Variants in MED12L observed in about 807,000 individuals in gnomAD.
The protein encoded by MED12L is mediator complex subunit 12L.
Under a neutral mutation model 281.3 loss-of-function variants are expected in MED12L, and 60 were observed. The ratio of observed to expected loss-of-function variants is 0.21; its 90% CI spans 0.17 to 0.26. The LOEUF is 0.26. Ranked by LOEUF, MED12L falls within the 10% of genes least tolerant of loss-of-function variation. The probability of loss-of-function intolerance (pLI) is 1.00; values close to 1 mark genes in which losing one functional copy is unlikely to be tolerated. For synonymous variants in MED12L, 974 were observed against 987.2 expected (o/e 0.99, Z 0.25); for missense variants, 2,146 against 2,680.9 (o/e 0.80, Z 4.41).
chr3:151,193,367 G>T (rs1724231178), intron 15 of MED12L, 123 bp from the exon 16 acceptor site: 3 of 643,046 alleles, frequency 4.7e-6, no homozygotes, highest in African/African-American at 1.8e-5. Flanking sequence ...ATATTTTTTT[G>T]CTAAGTGGTT....
At chr3:151,145,647 T>A (rs988244501) in intron 5 of MED12L, among the ~76,000 whole-genome samples, 3 of 152,222 alleles carry the variant, frequency 2.0e-5, no homozygotes, top group Non-Finnish European at 4.4e-5. Context: ...AAAGTGTCCA[T>A]GGGATCTCTT....
intron 8 of MED12L, among the ~76,000 whole-genome samples, chr3:151,161,525 CA>C (rs1354426677): frequency 6.6e-6 from 1 of 152,056 alleles, no homozygotes; most frequent in Non-Finnish European, 1.5e-5. Context: ...GGAGAGAGAA[CA>C]GGGGGAGAGT....
intron 16 of MED12L, chr3:151,214,157 T>C (rs1727717324): frequency 1.9e-6 from 3 of 1,614,028 alleles, no homozygotes. Flanking sequence ...ATGAAACTCT[T>C]AGAGCTGGGC....
chr3:151,279,403 G>A, intron 16 of MED12L, among the ~76,000 whole-genome samples: 1 of 152,214 alleles, frequency 6.6e-6, no homozygotes, highest in East Asian at 1.9e-4. Context: ...CATTGGAGAT[G>A]GAGTAGTGAC....
chr3:151,125,918 T>G (rs1372895770), intron 4 of MED12L, among the ~76,000 whole-genome samples: 1 of 152,172 alleles, frequency 6.6e-6, no homozygotes, highest in Non-Finnish European at 1.5e-5. Context: ...TGTTTAGTTG[T>G]GTTGTGTGCA....
At chr3:151,135,152 A>G (rs1172136500) in intron 5 of MED12L, among the ~76,000 whole-genome samples, 1 of 152,054 alleles carries the variant, frequency 6.6e-6, no homozygotes, top group Non-Finnish European at 1.5e-5. Flanking sequence ...CAGCCTCCCA[A>G]GTAGCTGGGA....
intron 16 of MED12L, among the ~76,000 whole-genome samples, chr3:151,269,031 C>T (rs1365618434): frequency 2.0e-5 from 3 of 152,050 alleles, no homozygotes; most frequent in African/African-American, 7.3e-5. Context: ...GCTCTGAGAC[C>T]GGAGGAGACA....
intron 5 of MED12L, among the ~76,000 whole-genome samples, chr3:151,153,371 G>T (rs561442246): frequency 6.6e-6 from 1 of 152,050 alleles, no homozygotes; most frequent in South Asian, 2.1e-4. Flanking sequence ...TAATAATCTG[G>T]CTTCATGGAC....
At chr3:151,300,065 A>G in intron 16 of MED12L, 1 of 1,591,596 alleles carries the variant, frequency 6.3e-7, no homozygotes, top group Non-Finnish European at 8.6e-7. Context: ...ACGACGGCTT[A>G]CTTGGTAATT....
chr3:151,318,494 A>C lies in MED12L; in HGVS notation c.2251-31565A>C, dbSNP rs3806635. 1.2e-4 allele frequency among the ~76,000 whole-genome samples: 18 copies of C among 152,234 alleles called. No individual in the cohort carries two copies. In the East Asian group the frequency reaches 2.7e-3, roughly 23 times the overall value. ...CATGATGATTCATAAATAATAAATG[A>C]GGTACTGCTCATAATTTGACATTTT... On this transcript the variant is annotated intron_variant, in intron 16 of 44. Coordinates refer to ENST00000687756, the MANE Select transcript of MED12L (RefSeq NM_001393769.1).
intron 5 of MED12L, among the ~76,000 whole-genome samples, chr3:151,139,833 A>G (rs534808713): frequency 3.0e-4 from 46 of 152,334 alleles, no homozygotes; most frequent in Non-Finnish European, 6.0e-4. Flanking sequence ...TTTATGGACA[A>G]TAGGCTGTTG....
intron 16 of MED12L, among the ~76,000 whole-genome samples, chr3:151,342,195 C>T (rs2149965641): frequency 6.6e-6 from 1 of 152,290 alleles, no homozygotes; most frequent in East Asian, 1.9e-4. Context: ...GTCCCACCAA[C>T]AGTGTAAAAG....
At chr3:151,182,358 A>T (rs1043082463) in intron 11 of MED12L, among the ~76,000 whole-genome samples, 6 of 152,074 alleles carry the variant, frequency 3.9e-5, no homozygotes, top group African/African-American at 1.2e-4. Context: ...TTTATTCATG[A>T]TGTTCCCACC....
intron 39 of MED12L, among the ~76,000 whole-genome samples, chr3:151,401,087 G>A (rs896608049): frequency 6.6e-6 from 1 of 152,068 alleles, no homozygotes; most frequent in Admixed American, 6.6e-5. Flanking sequence ...TTACTTTGTA[G>A]ATTTGAAATG....
intron 16 of MED12L, among the ~76,000 whole-genome samples, chr3:151,285,696 TA>T (rs1743401935): frequency 6.6e-6 from 1 of 150,728 alleles, no homozygotes; most frequent in Admixed American, 6.6e-5. Context: ...AAAAAAAAAA[TA>T]AAAGAAAAAA....
intron 3 of MED12L, among the ~76,000 whole-genome samples, chr3:151,119,090 C>A (rs1417746792): frequency 6.6e-6 from 1 of 152,194 alleles, no homozygotes; most frequent in Non-Finnish European, 1.5e-5. Flanking sequence ...AATAATAATT[C>A]ATGGCTAGAT....
chr3:151,386,200 A>T (rs915094715), intron 36 of MED12L, among the ~76,000 whole-genome samples: 12 of 152,334 alleles, frequency 7.9e-5, no homozygotes, highest in African/African-American at 2.9e-4. Flanking sequence ...GTTTGTGTAA[A>T]GAAAAAAAGC....
In MED12L at chr3:151,336,254, G is replaced by A. The variant is rs140434039; in HGVS notation, c.2251-13805G>A. Among the ~76,000 whole-genome samples, 4 of 152,280 alleles carry A rather than the reference G, an allele frequency of 2.6e-5. No homozygotes were observed. The East Asian group carries it at 7.7e-4, about 29-fold the overall frequency. On this transcript the variant is annotated intron_variant, in intron 16 of 44. Coordinates refer to ENST00000687756, the MANE Select transcript of MED12L (RefSeq NM_001393769.1). ...ATTATTACTGCTGTTTATCCCAGCA[G>A]TGTATAGGTTATATACTATATGAAC...
At chr3:151,361,933 A>G (rs560487179) in intron 21 of MED12L, among the ~76,000 whole-genome samples, 1 of 152,234 alleles carries the variant, frequency 6.6e-6, no homozygotes, top group Non-Finnish European at 1.5e-5. Flanking sequence ...TATTTTGAGG[A>G]CAATTATTTA....
Sources: gnomAD v4.1 joint callset for allele counts (sites outside exome capture counted in the v4.1 genomes callset) on GRCh38, gnomAD v4.1.1 for gene constraint, MANE v1.5 for transcripts, NCBI Gene and HGNC (gene_info 2026-07-23, HGNC 2026-07-21) for gene names.